The following DLGAP1 variants were observed in gnomAD, a reference collection of about 807,000 sequenced individuals.
DLGAP1 encodes the protein DLG associated protein 1.
A neutral mutation model predicts 90.8 loss-of-function variants in DLGAP1; 11 were observed. That is an observed-to-expected ratio of 0.12 (90% confidence interval 0.08 to 0.20). The LOEUF is 0.20. DLGAP1 is among the 10% of genes least tolerant of loss of function. The pLI, the probability that DLGAP1 is intolerant of heterozygous loss-of-function variation, is 1.00. For missense variants in DLGAP1, 1,050 were observed against 1,333.8 expected (o/e 0.79, Z 3.31); for synonymous variants, 558 against 540.7 (o/e 1.03, Z -0.44).
chr18:3,801,309 G>C (rs1176600614), intron 5 of DLGAP1, among the ~76,000 whole-genome samples: 1 of 152,096 alleles, frequency 6.6e-6, no homozygotes, highest in African/African-American at 2.4e-5. Flanking sequence ...TTTGATTTTT[G>C]GTGTCCTTAT....
chr18:4,135,261 A>G (rs1010500248), intron 2 of DLGAP1, among the ~76,000 whole-genome samples: 1 of 151,984 alleles, frequency 6.6e-6, no homozygotes, highest in African/African-American at 2.4e-5. Context: ...GACAGCAAAC[A>G]GTAGAAGAGG....
At chr18:3,814,306 T>C (rs2066983791) in intron 4 of DLGAP1, 33 bp from the exon 5 acceptor site, 1 of 1,574,694 alleles carries the variant, frequency 6.4e-7, no homozygotes, top group South Asian at 1.1e-5. Context: ...AATCACTTTT[T>C]ATAAAAGCCT....
intron 1 of DLGAP1, among the ~76,000 whole-genome samples, chr18:4,176,780 A>G (rs775294524): frequency 6.6e-6 from 1 of 152,226 alleles, no homozygotes; most frequent in Non-Finnish European, 1.5e-5. Context: ...GTTGGCCAAG[A>G]CAGGACTTTG....
At chr18:3,668,178 T>C (rs2059948658) in intron 7 of DLGAP1, among the ~76,000 whole-genome samples, 2 of 152,330 alleles carry the variant, frequency 1.3e-5, no homozygotes, top group East Asian at 3.9e-4. Context: ...AAATTGTAAG[T>C]GCCCCCTTGA....
intron 5 of DLGAP1, among the ~76,000 whole-genome samples, chr18:3,761,241 C>T (rs749730957): frequency 2.6e-5 from 4 of 152,154 alleles, no homozygotes; most frequent in East Asian, 1.9e-4. Flanking sequence ...ACGAACTCCC[C>T]GTTTCCCTCC....
intron 8 of DLGAP1, among the ~76,000 whole-genome samples, chr18:3,578,561 TG>T (rs1211022954): frequency 6.6e-6 from 1 of 152,106 alleles, no homozygotes; most frequent in Admixed American, 6.5e-5. Flanking sequence ...TTCACCATGT[TG>T]GCCAGGATGG....
At chr18:3,850,162 T>C (rs988135159) in intron 4 of DLGAP1, among the ~76,000 whole-genome samples, 1 of 151,082 alleles carries the variant, frequency 6.6e-6, no homozygotes, top group African/African-American at 2.4e-5. Flanking sequence ...AAGTCAGGAG[T>C]TCAAGAGCAG....
intron 4 of DLGAP1, among the ~76,000 whole-genome samples, chr18:3,828,122 G>A (rs931938113): frequency 3.9e-5 from 6 of 152,170 alleles, no homozygotes; most frequent in African/African-American, 1.4e-4. Flanking sequence ...TGTGTCTTCA[G>A]AATAAACACA....
chr18:4,155,834 G>A (rs906362036), intron 1 of DLGAP1, among the ~76,000 whole-genome samples: 4 of 152,108 alleles, frequency 2.6e-5, no homozygotes, highest in African/African-American at 4.8e-5. Flanking sequence ...GCTTACAGTC[G>A]ACATGGCTTA....
In DLGAP1 at chr18:4,021,879, G is replaced by A. The variant is rs547818857; in HGVS notation, c.-158-16678C>T. Among the ~76,000 whole-genome samples, 261 of 152,258 alleles carry A rather than the reference G, an allele frequency of 1.7e-3. 3 individuals carry two copies. Among genetic ancestry groups the A allele is most frequent in the Admixed American group, 4.5e-3 (69 of 15,284 alleles). ...CTCCCAAAGTGCTGGGATTACAGGCGTGAGCCACTGTGCCCAGCCTCTCAG... is the reference window on the plus strand; with the variant it reads ...CTCCCAAAGTGCTGGGATTACAGGCATGAGCCACTGTGCCCAGCCTCTCAG... On this transcript the variant is annotated intron_variant, in intron 2 of 12. Transcript: ENST00000315677.
At chr18:4,252,572 C>T (rs1331767805) in intron 1 of DLGAP1, among the ~76,000 whole-genome samples, 2 of 152,176 alleles carry the variant, frequency 1.3e-5, no homozygotes, top group South Asian at 4.1e-4. Flanking sequence ...CACAAAACAG[C>T]AGTCATGACT....
rs549284007 is a variant in DLGAP1 at position 3,957,695 on chromosome 18, ATTGATGATT to A, written c.-73+47412_-73+47420del. 3.3e-3 allele frequency among the ~76,000 whole-genome samples: 509 copies of A among 152,318 alleles called. 8 individuals are homozygous for A. Among genetic ancestry groups the A allele is most frequent in the African/African-American group, 0.012 (490 of 41,560 alleles). ...TTTACTTACTAAATAATTTAAAATC[ATTGATGATT>A]AAAAGCTATTGTCATTGTAGCAAAT... On this transcript the variant is annotated intron_variant, in intron 3 of 12. Coordinates refer to ENST00000315677, the MANE Select transcript of DLGAP1 (RefSeq NM_004746.4).
chr18:3,627,443 T>C (rs1258273934), intron 7 of DLGAP1, among the ~76,000 whole-genome samples: 1 of 152,168 alleles, frequency 6.6e-6, no homozygotes, highest in Non-Finnish European at 1.5e-5. Flanking sequence ...GATAGAGGAA[T>C]GTTAGGCATA....
At chr18:3,848,327 T>A (rs1443852806) in intron 4 of DLGAP1, among the ~76,000 whole-genome samples, 2 of 151,838 alleles carry the variant, frequency 1.3e-5, no homozygotes, top group Non-Finnish European at 2.9e-5. Context: ...AGGACAAATA[T>A]CAAACTCTCA....
intron 3 of DLGAP1, among the ~76,000 whole-genome samples, chr18:3,903,455 A>G (rs2071828809): frequency 6.6e-6 from 1 of 152,224 alleles, no homozygotes; most frequent in Non-Finnish European, 1.5e-5. Flanking sequence ...TTACAAGCAT[A>G]ATGTATGGAC....
intron 1 of DLGAP1, among the ~76,000 whole-genome samples, chr18:4,354,887 C>CAAAAAAAAAAAAAAAAAAAAAAAAA (rs60379984): frequency 8.4e-5 from 2 of 23,874 alleles, no homozygotes; most frequent in African/African-American, 1.1e-4. Context: ...TTACTCTCAC[C>CAAAAAAAAAAAAAAAAAAAAAAAAA]AAAAAAAAAA....
chr18:3,602,019 A>G (rs2057063628), intron 7 of DLGAP1, among the ~76,000 whole-genome samples: 1 of 151,816 alleles, frequency 6.6e-6, no homozygotes, highest in Non-Finnish European at 1.5e-5. Context: ...AAATGAATGA[A>G]TAAATAAATA....
intron 3 of DLGAP1, among the ~76,000 whole-genome samples, chr18:3,996,240 C>T (rs2074067894): frequency 6.6e-6 from 1 of 152,062 alleles, no homozygotes; most frequent in Non-Finnish European, 1.5e-5. Context: ...AGAAATTCTA[C>T]TTGCAGCTTT....
chr18:4,281,238 G>A (rs1296005338), intron 1 of DLGAP1, among the ~76,000 whole-genome samples: 5 of 152,130 alleles, frequency 3.3e-5, no homozygotes, highest in Admixed American at 2.0e-4. Flanking sequence ...TATTTTGTTT[G>A]TTGTTTGTTT....
Sources: allele counts gnomAD v4.1 joint callset (sites outside exome capture counted in the v4.1 genomes callset), GRCh38; gene constraint gnomAD v4.1.1; transcripts MANE v1.5; gene names NCBI Gene and HGNC (gene_info 2026-07-23, HGNC 2026-07-21).